PIAS2: variants seen among roughly 807,000 people sequenced by gnomAD.
PIAS2 encodes the protein protein inhibitor of activated STAT 2, also known as E3 SUMO-protein ligase PIAS2.
A neutral mutation model predicts 69.7 loss-of-function variants in PIAS2; 19 were observed. The observed-to-expected ratio is 0.27, with a 90% CI of 0.19 to 0.40. PIAS2 has a LOEUF of 0.40. Ranked by LOEUF, PIAS2 falls within the 10% of genes least tolerant of loss-of-function variation. The pLI is 1.00. For synonymous variants in PIAS2, 261 were observed against 263.2 expected (o/e 0.99, Z 0.08); for missense variants, 624 against 757.0 (o/e 0.82, Z 2.06).
At chr18:46,840,043 C>A (rs575228436) in intron 8 of PIAS2, among the ~76,000 whole-genome samples, 10 of 151,992 alleles carry the variant, frequency 6.6e-5, no homozygotes. Context: ...TGCCTGTAAT[C>A]CCAACTACTT....
intron 1 of PIAS2, chr18:46,893,405 C>A: frequency 1.1e-6 from 1 of 909,210 alleles, no homozygotes; most frequent in Non-Finnish European, 1.3e-6. Context: ...ACAGAAATGA[C>A]AAAACAAAGC....
At chr18:46,894,571 T>C (rs1030619376) in intron 1 of PIAS2, among the ~76,000 whole-genome samples, 11 of 152,228 alleles carry the variant, frequency 7.2e-5, no homozygotes, top group African/African-American at 2.7e-4. Context: ...TGTGTTGGCA[T>C]AATTAATTGT....
chr18:46,862,683 A>G (rs2048851697), intron 3 of PIAS2, among the ~76,000 whole-genome samples: 1 of 148,556 alleles, frequency 6.7e-6, no homozygotes, highest in Non-Finnish European at 1.5e-5. Flanking sequence ...ATATATATAC[A>G]CACACACATA....
intron 12 of PIAS2, among the ~76,000 whole-genome samples, chr18:46,819,357 T>TTTG (rs2041917700): frequency 6.6e-6 from 1 of 152,172 alleles, no homozygotes; most frequent in South Asian, 2.1e-4. Context: ...TTACAAATAC[T>TTTG]TTACAATTTG....
chr18:46,893,597 C>T (rs1442786059), intron 1 of PIAS2: 1 of 211,798 alleles, frequency 4.7e-6, no homozygotes, highest in Non-Finnish European at 8.1e-6. Context: ...TGCGGAATCA[C>T]AGAATTCTGA....
In PIAS2 at chr18:46,808,130, A is replaced by G. The variant is rs1259953578; in HGVS notation, c.*4303T>C. On this transcript the variant is annotated 3_prime_UTR_variant, in exon 14 of 14. Transcript: ENST00000585916. Reference sequence around the variant, plus strand: ...ATTAATAATAGTTGACACAGTTTTAATGACATGGAATAATGCCTGTAGGTT... The same window carrying G: ...ATTAATAATAGTTGACACAGTTTTAGTGACATGGAATAATGCCTGTAGGTT... The G allele has an allele frequency of 6.6e-6, 1 of 152,254 alleles. No individual in the cohort carries two copies. Among genetic ancestry groups the G allele is most frequent in the Admixed American group, 6.5e-5 (1 of 15,286 alleles). 9.4% of individuals were successfully genotyped at this position (152,254 alleles called of 1,614,324 possible).
At chr18:46,894,450 AT>A (rs1319696095) in intron 1 of PIAS2, among the ~76,000 whole-genome samples, 10 of 152,088 alleles carry the variant, frequency 6.6e-5, no homozygotes, top group Non-Finnish European at 1.3e-4. Flanking sequence ...CTTTAGTCTA[AT>A]TTTTTCCAAG....
At chr18:46,864,059 A>G (rs2049054558) in intron 3 of PIAS2, 105 bp downstream of exon 3, 8 of 609,512 alleles carry the variant, frequency 1.3e-5, no homozygotes, top group South Asian at 2.8e-5. Context: ...TTGAAAAACA[A>G]AAGTCTGTTG....
At chr18:46,917,092 G>A in intron 1 of PIAS2, 1 of 989,380 alleles carries the variant, frequency 1.0e-6, no homozygotes, top group Non-Finnish European at 1.2e-6. Flanking sequence ...GCAGCACTCA[G>A]GAGCCGGCTC....
At chr18:46,817,388 A>G (rs1330738485) in intron 12 of PIAS2, 1 of 964,238 alleles carries the variant, frequency 1.0e-6, no homozygotes, top group Non-Finnish European at 1.2e-6. Flanking sequence ...TGAAAATTAT[A>G]TCAAGCCTAT....
chr18:46,917,683 C>G, upstream of PIAS2: 1 of 468,546 alleles, frequency 2.1e-6, no homozygotes, highest in Non-Finnish European at 2.8e-6. Context: ...CCAGGTCGTG[C>G]CTTCCCTCCC....
At chr18:46,813,265 TCTAAC>T (rs1555711679) in intron 13 of PIAS2, among the ~76,000 whole-genome samples, 1 of 152,110 alleles carries the variant, frequency 6.6e-6, no homozygotes, top group Non-Finnish European at 1.5e-5. Context: ...TTAAAGAAGA[TCTAAC>T]CTAATCTTCT....
chr18:46,886,395 T>C (rs1403945919), intron 2 of PIAS2, among the ~76,000 whole-genome samples: 2 of 152,238 alleles, frequency 1.3e-5, no homozygotes, highest in African/African-American at 4.8e-5. Flanking sequence ...ACATTGTGCA[T>C]GATACTGTCC....
At chr18:46,820,068 T>C (rs780012396) in intron 12 of PIAS2, among the ~76,000 whole-genome samples, 15 of 152,106 alleles carry the variant, frequency 9.9e-5, no homozygotes, top group Non-Finnish European at 1.6e-4. Flanking sequence ...TGATGAAATC[T>C]CATGCTGTCC....
chr18:46,815,482 T>C (rs1237611240), intron 12 of PIAS2, 133 bp from the exon 13 acceptor site: 1 of 1,494,360 alleles, frequency 6.7e-7, no homozygotes, highest in East Asian at 2.4e-5. Context: ...AGAAGTTCTA[T>C]ACCATGATCA....
Position 46,855,371 on chromosome 18 carries a change from C to T in PIAS2, c.700G>A (p.Val234Ile). 1 of 1,610,880 alleles carries T rather than the reference C, an allele frequency of 6.2e-7. No homozygotes were observed. Among genetic ancestry groups the T allele is most frequent in the Non-Finnish European group, 8.5e-7 (1 of 1,178,776 alleles). The change falls in exon 5 of 14, where the codon GTA becomes ATA. Residue 234 changes from valine (V) to isoleucine (I), a missense_variant. This residue lies in a region of PIAS2 where 339 missense variants were observed against 408.8 expected (regional missense o/e 0.83). Coordinates refer to ENST00000585916, the MANE Select transcript of PIAS2 (RefSeq NM_004671.5). ...GGCAAAGGAAATAGCTTCCCATTTA[C>T]TTTTATACATAGACTATTTGGATAG... is the stretch of plus-strand genomic sequence containing the variant. Reference protein sequence around the residue: ...DNYPNSLCIKVNGKLFPLPGY... With the variant: ...DNYPNSLCIKINGKLFPLPGY...
In PIAS2 at chr18:46,848,776, T is replaced by C. The variant is rs574251023; in HGVS notation, c.727-1935A>G. ...ATGAAAGAGAGAGACAGTGTGTGTGTGTGTGTGTGTGTGAGAGAGAGAGAG... is the reference window on the plus strand; with the variant it reads ...ATGAAAGAGAGAGACAGTGTGTGTGCGTGTGTGTGTGTGAGAGAGAGAGAG... On this transcript the variant is annotated intron_variant, in intron 5 of 13. Transcript: ENST00000585916. Among the ~76,000 whole-genome samples, 3 of 149,564 alleles carry C rather than the reference T, an allele frequency of 2.0e-5. No individual in the cohort carries two copies. In the South Asian group the frequency reaches 6.3e-4, roughly 32 times the overall value.
intron 12 of PIAS2, chr18:46,818,489 A>G (rs990732701): frequency 1.2e-5 from 18 of 1,497,222 alleles, no homozygotes; most frequent in Non-Finnish European, 1.6e-5. Flanking sequence ...TTTAAAAGGA[A>G]TGTTAAGAAA....
At chr18:46,849,833 T>C (rs2046701667) in intron 5 of PIAS2, among the ~76,000 whole-genome samples, 2 of 152,196 alleles carry the variant, frequency 1.3e-5, no homozygotes, top group Admixed American at 1.3e-4. Flanking sequence ...TCAAATGCTT[T>C]TGGCCCCAAA....
Sources: allele counts gnomAD v4.1 joint callset (sites outside exome capture counted in the v4.1 genomes callset), GRCh38; gene constraint gnomAD v4.1.1; regional missense constraint gnomAD v4.1.1; transcripts MANE v1.5; gene names NCBI Gene and HGNC (gene_info 2026-07-23, HGNC 2026-07-21).